RIPOR2: variants seen among roughly 807,000 people sequenced by gnomAD.
RIPOR2 encodes RHO family interacting cell polarization regulator 2.
A neutral mutation model predicts 114.5 loss-of-function variants in RIPOR2; 39 were observed. That is an observed-to-expected ratio of 0.34 (90% CI 0.26 to 0.44). RIPOR2 has a LOEUF of 0.44. Ranked by LOEUF, RIPOR2 falls within the 20% of genes least tolerant of loss-of-function variation. The probability of loss-of-function intolerance (pLI) is 1.00; values close to 1 mark genes in which losing one functional copy is unlikely to be tolerated. For synonymous variants in RIPOR2, 445 were observed against 484.4 expected, an observed-to-expected ratio of 0.92 and a Z score of 1.07; for missense variants, 1,007 against 1,255.1, an observed-to-expected ratio of 0.80 and a Z score of 2.99.
At chr6:24,852,346 T>C (rs1269986934) in intron 9 of RIPOR2, among the ~76,000 whole-genome samples, 1 of 151,976 alleles carries the variant, frequency 6.6e-6, no homozygotes, top group East Asian at 1.9e-4. Context: ...GCAATAATGA[T>C]GATGATGACA....
chr6:24,961,231 A>G (rs2114221173), intron 1 of RIPOR2, among the ~76,000 whole-genome samples: 1 of 152,350 alleles, frequency 6.6e-6, no homozygotes, highest in Admixed American at 6.5e-5. Context: ...AATATTAAGA[A>G]GAGGAAGAGA....
At chr6:24,876,067 G>A (rs989219427) in intron 1 of RIPOR2, among the ~76,000 whole-genome samples, 4 of 152,094 alleles carry the variant, frequency 2.6e-5, no homozygotes, top group African/African-American at 9.7e-5. Flanking sequence ...GAGGCAGGTG[G>A]ATCACCTGAA....
chr6:24,958,933 T>C (rs374374455), intron 1 of RIPOR2, among the ~76,000 whole-genome samples: 16 of 144,740 alleles, frequency 1.1e-4, no homozygotes, highest in African/African-American at 2.8e-4. Context: ...GGTTTGTAGA[T>C]GCACCACTCC....
intron 1 of RIPOR2, among the ~76,000 whole-genome samples, chr6:24,960,022 G>A (rs1233391749): frequency 2.6e-5 from 4 of 152,066 alleles, no homozygotes; most frequent in Non-Finnish European, 5.9e-5. Flanking sequence ...AAGTCTAAAC[G>A]TGTTACAAGT....
At chr6:24,851,511 C>T (rs1762911788) in intron 9 of RIPOR2, among the ~76,000 whole-genome samples, 1 of 152,134 alleles carries the variant, frequency 6.6e-6, no homozygotes, top group African/African-American at 2.4e-5. Context: ...CTTGGTCAGA[C>T]TGCTTTAATG....
At position 24,883,465 on chromosome 6, in the gene RIPOR2, C is replaced by T. The variant is rs529789746; in HGVS notation, c.62-7648G>A. ...TCAAGTGTTTGCCTGAGGCCAGGGACGGGAGCAGGCAAGGAAGCAGAGAGA... is the reference window on the plus strand; with the variant it reads ...TCAAGTGTTTGCCTGAGGCCAGGGATGGGAGCAGGCAAGGAAGCAGAGAGA... On this transcript the variant is annotated intron_variant, in intron 1 of 21. Transcript: ENST00000643898. The surrounding 1 kb of genome is among the most constrained non-coding windows in gnomAD (Gnocchi z 4.1). Among the ~76,000 whole-genome samples, 8 of 152,134 alleles carry T rather than the reference C, an allele frequency of 5.3e-5. No individual in the cohort carries two copies. Among genetic ancestry groups the T allele is most frequent in the South Asian group, 2.1e-4 (1 of 4,818 alleles).
intron 14 of RIPOR2, among the ~76,000 whole-genome samples, chr6:24,836,949 G>T (rs1486950002): frequency 2.0e-5 from 3 of 152,040 alleles, no homozygotes; most frequent in African/African-American, 7.3e-5. Flanking sequence ...ACCTGTGCTT[G>T]TGATATTTTT....
At chr6:24,881,777 C>T (rs1378825093) in intron 1 of RIPOR2, among the ~76,000 whole-genome samples, 2 of 152,088 alleles carry the variant, frequency 1.3e-5, no homozygotes, top group Non-Finnish European at 1.5e-5. Flanking sequence ...CACCTGGTGT[C>T]TGTTTAAATT....
intron 5 of RIPOR2, among the ~76,000 whole-genome samples, chr6:24,870,158 G>T (rs759403661): frequency 2.0e-4 from 30 of 152,160 alleles, no homozygotes; most frequent in Non-Finnish European, 3.2e-4. Flanking sequence ...ACAACTGTCA[G>T]ATTTTAACTG....
At position 24,970,363 on chromosome 6, in the gene RIPOR2, A is replaced by C. The variant is rs199535220; in HGVS notation, c.76+71488T>G. On this transcript the variant is annotated intron_variant, in intron 1 of 13. Transcript: ENST00000510784. ...AGTAGAGGATTATTTAGGGAAACTC[A>C]AAGAGGTCTTGAATTCTGCATACAG... 7.9e-5 allele frequency among the ~76,000 whole-genome samples: 12 copies of C among 152,308 alleles called. No homozygotes were observed. The East Asian group carries it at 2.3e-3, about 29-fold the overall frequency.
intron 4 of RIPOR2, among the ~76,000 whole-genome samples, chr6:24,871,558 G>A (rs771088147): frequency 5.3e-5 from 8 of 152,100 alleles, no homozygotes; most frequent in African/African-American, 9.7e-5. Context: ...CGCCACGTTG[G>A]CCAAGCTGGT....
At chr6:24,960,953 G>A (rs1432307244) in intron 1 of RIPOR2, among the ~76,000 whole-genome samples, 1 of 152,148 alleles carries the variant, frequency 6.6e-6, no homozygotes, top group Non-Finnish European at 1.5e-5. Context: ...AGAAAAACGG[G>A]TGTTGGTGGA....
At chr6:24,899,276 T>A (rs755517498) in intron 1 of RIPOR2, among the ~76,000 whole-genome samples, 46 of 152,228 alleles carry the variant, frequency 3.0e-4, no homozygotes, top group Middle Eastern at 3.4e-3. Flanking sequence ...CAGGCTAACA[T>A]GGGGCCCATG....
intron 7 of RIPOR2, among the ~76,000 whole-genome samples, chr6:24,865,070 C>G (rs569365941): frequency 6.6e-6 from 1 of 152,348 alleles, no homozygotes; most frequent in Admixed American, 6.5e-5. Context: ...GCCTCAGCCT[C>G]TTGAATAACT....
upstream of RIPOR2, among the ~76,000 whole-genome samples, chr6:24,937,897 C>T: frequency 6.6e-6 from 1 of 152,126 alleles, no homozygotes; most frequent in East Asian, 1.9e-4. Context: ...ATCCCCGTGG[C>T]TCTTGGGGAC....
At chr6:24,877,300 T>C (rs138079215) in intron 1 of RIPOR2, 2 of 985,262 alleles carry the variant, frequency 2.0e-6, no homozygotes, top group Non-Finnish European at 2.4e-6. Flanking sequence ...GGTTTTTAAA[T>C]CCCCTCCCTC....
rs576722455 is a variant in RIPOR2, at chr6:24,876,599, T to G, written c.62-782A>C. Reference sequence around the variant, plus strand: ...TTAGAGATGAACTTACTTGAACTAGTTCTCCCTTTCTATCTTTAAGAATAT... The same window carrying G: ...TTAGAGATGAACTTACTTGAACTAGGTCTCCCTTTCTATCTTTAAGAATAT... On this transcript the variant is annotated intron_variant, in intron 1 of 21. Coordinates refer to ENST00000643898, the MANE Select transcript of RIPOR2 (RefSeq NM_001286445.3). 4.6e-5 allele frequency among the ~76,000 whole-genome samples: 7 copies of G among 152,358 alleles called. No homozygotes were observed. In the South Asian group the frequency reaches 1.2e-3, roughly 27 times the overall value.
intron 1 of RIPOR2, among the ~76,000 whole-genome samples, chr6:24,944,590 T>C (rs913302397): frequency 1.3e-5 from 2 of 152,146 alleles, no homozygotes; most frequent in Non-Finnish European, 1.5e-5. Context: ...GTATGGTCTA[T>C]ACACAGGAAA....
intron 1 of RIPOR2, among the ~76,000 whole-genome samples, chr6:25,031,776 T>G (rs1207431578): frequency 3.1e-5 from 4 of 127,606 alleles, no homozygotes; most frequent in East Asian, 2.5e-4. Flanking sequence ...TATATATATA[T>G]TCTATGGATA....
Sources: allele counts gnomAD v4.1 joint callset (sites outside exome capture counted in the v4.1 genomes callset), GRCh38; gene constraint gnomAD v4.1.1; non-coding constraint Gnocchi (gnomAD v3.1); transcripts MANE v1.5; gene names NCBI Gene and HGNC (gene_info 2026-07-23, HGNC 2026-07-21).